The following ARHGAP24 variants were observed in gnomAD, a reference collection of about 807,000 sequenced individuals.
The protein encoded by ARHGAP24 is rho GTPase-activating protein 24.
In ARHGAP24, 50 loss-of-function variants were observed where a neutral mutation model predicts 76.4. That is an observed-to-expected ratio of 0.65 (90% CI 0.52 to 0.83). The LOEUF (loss-of-function observed/expected upper bound fraction) is 0.83, where lower values mean the gene tolerates loss of function less well. ARHGAP24 is among the 40% of genes least tolerant of loss of function. The pLI is 0.00. For synonymous variants in ARHGAP24, 345 were observed against 323.3 expected (o/e 1.07, Z -0.72); for missense variants, 930 against 914.2 (o/e 1.02, Z -0.22).
intron 1 of ARHGAP24, among the ~76,000 whole-genome samples, chr4:85,515,383 T>TG (rs1553911708): frequency 1.3e-5 from 2 of 150,938 alleles, no homozygotes; most frequent in African/African-American, 4.9e-5. Flanking sequence ...TTTTTTTTTT[T>TG]GGCATGGGGG....
At chr4:85,632,554 A>G (rs1721190773) in intron 2 of ARHGAP24, among the ~76,000 whole-genome samples, 1 of 150,124 alleles carries the variant, frequency 6.7e-6, no homozygotes, top group Non-Finnish European at 1.5e-5. Flanking sequence ...GGTAATATAA[A>G]AGAAAAATAT....
intron 1 of ARHGAP24, among the ~76,000 whole-genome samples, chr4:85,526,322 C>T (rs1724990530): frequency 6.6e-6 from 1 of 151,330 alleles, no homozygotes; most frequent in South Asian, 2.1e-4. Flanking sequence ...ATGGCTTGAC[C>T]CCAGGAGGTT....
At chr4:85,664,857 A>T (rs1722548842) in intron 2 of ARHGAP24, among the ~76,000 whole-genome samples, 2 of 151,944 alleles carry the variant, frequency 1.3e-5, no homozygotes, top group Admixed American at 1.3e-4. Context: ...TTCTAGTTTG[A>T]TTGCACTGTG....
chr4:85,931,043 G>A (rs1390299567), intron 4 of ARHGAP24: 1 of 1,607,322 alleles, frequency 6.2e-7, no homozygotes, highest in African/African-American at 1.4e-5. Flanking sequence ...TTTCGGAAAG[G>A]TAGGTAGATA....
At chr4:85,932,556 G>A (rs1407996542) in intron 4 of ARHGAP24, among the ~76,000 whole-genome samples, 1 of 151,308 alleles carries the variant, frequency 6.6e-6, no homozygotes. Flanking sequence ...GGGGAAGGCA[G>A]TGCCTGGGAA....
chr4:85,777,587 A>G (rs1727354160), intron 3 of ARHGAP24, among the ~76,000 whole-genome samples: 1 of 152,200 alleles, frequency 6.6e-6, no homozygotes, highest in Admixed American at 6.5e-5. Context: ...GAAATCAAGG[A>G]CACATGTTTG....
chr4:85,709,955 G>T (rs1356637749), intron 2 of ARHGAP24, among the ~76,000 whole-genome samples: 5 of 152,090 alleles, frequency 3.3e-5, no homozygotes, highest in African/African-American at 1.2e-4. Flanking sequence ...TAAATTTATA[G>T]ATTTAATGCT....
At chr4:85,776,984 A>G (rs550071617) in intron 3 of ARHGAP24, among the ~76,000 whole-genome samples, 1 of 152,362 alleles carries the variant, frequency 6.6e-6, no homozygotes, top group East Asian at 1.9e-4. Flanking sequence ...GTCACATTTG[A>G]CATATTAATG....
chr4:85,930,776 C>T (rs537554851), intron 4 of ARHGAP24: 1 of 1,420,912 alleles, frequency 7.0e-7, no homozygotes, highest in East Asian at 2.7e-5. Flanking sequence ...TAACTTATCC[C>T]TAAGCCAGGA....
chr4:85,507,980 G>T (rs546042462), intron 1 of ARHGAP24, among the ~76,000 whole-genome samples: 23 of 151,496 alleles, frequency 1.5e-4, no homozygotes, highest in Admixed American at 1.4e-3. Flanking sequence ...TTGCTGTCTC[G>T]GCCTATGAAT....
chr4:85,676,187 C>A (rs1270448732), intron 2 of ARHGAP24, among the ~76,000 whole-genome samples: 1 of 152,086 alleles, frequency 6.6e-6, no homozygotes, highest in Non-Finnish European at 1.5e-5. Context: ...TGTTTCGGCA[C>A]AAATATTTTA....
intron 3 of ARHGAP24, among the ~76,000 whole-genome samples, chr4:85,764,166 A>G (rs760717920): frequency 6.6e-6 from 1 of 152,128 alleles, no homozygotes; most frequent in Non-Finnish European, 1.5e-5. Context: ...TTTACCACCA[A>G]GAAATCTCTA....
rs373973444 is a variant in ARHGAP24 at position 85,949,537 on chromosome 4, T to G, written c.599+7264T>G. 3.3e-4 allele frequency among the ~76,000 whole-genome samples: 51 copies of G among 152,320 alleles called. No individual in the cohort carries two copies. In the East Asian group the frequency reaches 7.5e-3, roughly 22 times the overall value. On this transcript the variant is annotated intron_variant, in intron 5 of 9. Transcript: ENST00000395184. ...ATGGCTGATTGAGTCTCTTGTTTTC[T>G]CTTCTCAGTCTTGTATCCTTCAGGG...
chr4:85,803,346 C>T lies in ARHGAP24; in HGVS notation c.268+81374C>T, dbSNP rs147129838. ...CATTGCTGTAGAAGACTGCTTAGTG[C>T]TAGTAATATTGTTCTTAACTAAATT... On this transcript the variant is annotated intron_variant, in intron 3 of 9. Coordinates refer to ENST00000395184, the MANE Select transcript of ARHGAP24 (RefSeq NM_001025616.3). 2.5e-3 allele frequency among the ~76,000 whole-genome samples: 386 copies of T among 152,246 alleles called. 7 individuals are homozygous for T. The highest frequency in any genetic ancestry group is 3.4e-3 in the Middle Eastern group (1 of 294).
At chr4:85,852,319 T>C (rs528352046) in intron 3 of ARHGAP24, among the ~76,000 whole-genome samples, 63 of 152,350 alleles carry the variant, frequency 4.1e-4, no homozygotes, top group Admixed American at 1.8e-3. Flanking sequence ...AGGTTTTCTC[T>C]ACACTGGTTA....
Position 85,775,534 on chromosome 4 carries a change from G to A in ARHGAP24, c.268+53562G>A, listed in dbSNP as rs111972942. The stretch of plus-strand genomic sequence containing the variant: ...CCCCCTTATAAAACCATCAGATCTC[G>A]TGAGACTTGTTCACTACCATGAGAA... On this transcript the variant is annotated intron_variant, in intron 3 of 9. Coordinates refer to ENST00000395184, the MANE Select transcript of ARHGAP24 (RefSeq NM_001025616.3). 7.0e-3 allele frequency among the ~76,000 whole-genome samples: 1,060 copies of A among 152,202 alleles called. 14 individuals carry two copies. Among genetic ancestry groups the A allele is most frequent in the African/African-American group, 0.024 (1,016 of 41,552 alleles).
intron 3 of ARHGAP24, among the ~76,000 whole-genome samples, chr4:85,782,036 CAA>C (rs11353046): frequency 1.2e-3 from 129 of 106,650 alleles, no homozygotes; most frequent in Middle Eastern, 4.8e-3. Flanking sequence ...GATTCTATCT[CAA>C]AAAAAAAAAA....
chr4:85,687,596 G>A (rs1723474784), intron 2 of ARHGAP24, among the ~76,000 whole-genome samples: 1 of 152,020 alleles, frequency 6.6e-6, no homozygotes, highest in Non-Finnish European at 1.5e-5. Context: ...AAATTATTTT[G>A]TTCTTTCTGG....
chr4:85,869,136 T>C (rs1037849061), intron 3 of ARHGAP24, among the ~76,000 whole-genome samples: 2 of 152,280 alleles, frequency 1.3e-5, no homozygotes, highest in South Asian at 2.1e-4. Flanking sequence ...ATTACATTTG[T>C]CAGAAAATAA....
Sources: allele counts gnomAD v4.1 joint callset (sites outside exome capture counted in the v4.1 genomes callset), GRCh38; gene constraint gnomAD v4.1.1; transcripts MANE v1.5; gene names NCBI Gene and HGNC (gene_info 2026-07-23, HGNC 2026-07-21).